RBFOX3: variants seen among roughly 807,000 people sequenced by gnomAD.
The protein encoded by RBFOX3 is RNA binding fox-1 homolog 3.
RBFOX3 carries 17 observed loss-of-function variants against 48.7 expected under a neutral mutation model. The ratio of observed to expected loss-of-function variants is 0.35; its 90% CI spans 0.24 to 0.52. The LOEUF is 0.52. Ranked by LOEUF, RBFOX3 falls within the 20% of genes least tolerant of loss-of-function variation. The probability of loss-of-function intolerance (pLI) is 0.94; values close to 1 mark genes in which losing one functional copy is unlikely to be tolerated. For missense variants in RBFOX3, 382 were observed against 497.5 expected (o/e 0.77, Z 2.21); for synonymous variants, 212 against 209.5 (o/e 1.01, Z -0.10).
chr17:79,384,451 G>C (rs2060316023), intron 2 of RBFOX3, among the ~76,000 whole-genome samples: 1 of 152,144 alleles, frequency 6.6e-6, no homozygotes, highest in African/African-American at 2.4e-5. Flanking sequence ...TGTTCTTGCA[G>C]GGTGACTGCA....
intron 2 of RBFOX3, among the ~76,000 whole-genome samples, chr17:79,346,766 G>A (rs2082993839): frequency 6.6e-6 from 1 of 152,140 alleles, no homozygotes; most frequent in Non-Finnish European, 1.5e-5. Context: ...CATTTTGCCT[G>A]TATAAGTCTT....
At chr17:79,388,870 C>A (rs1392418049) in intron 2 of RBFOX3, among the ~76,000 whole-genome samples, 1 of 152,238 alleles carries the variant, frequency 6.6e-6, no homozygotes, top group Non-Finnish European at 1.5e-5. Flanking sequence ...CTGAGCTGTG[C>A]TCACCGATCA....
At chr17:79,113,990 CTG>C (rs1203396446) in intron 5 of RBFOX3, among the ~76,000 whole-genome samples, 2 of 152,162 alleles carry the variant, frequency 1.3e-5, no homozygotes, top group Admixed American at 1.3e-4. Context: ...GCTGTGTTAT[CTG>C]TGTGTCTGAC....
At chr17:79,633,252 G>A in the RBFOX3 span, among the ~76,000 whole-genome samples, 1 of 152,282 alleles carries the variant, frequency 6.6e-6, no homozygotes, top group African/African-American at 2.4e-5. Context: ...CTCCTGCATG[G>A]GCAAAGTGGC....
At chr17:79,245,819 G>A (rs1446649398) in intron 3 of RBFOX3, among the ~76,000 whole-genome samples, 1 of 151,928 alleles carries the variant, frequency 6.6e-6, no homozygotes, top group Non-Finnish European at 1.5e-5. Flanking sequence ...TAGAGACGGG[G>A]TTTCACCATG....
intron 1 of RBFOX3, among the ~76,000 whole-genome samples, chr17:79,575,110 C>T (rs963424458): frequency 4.5e-4 from 69 of 152,348 alleles, no homozygotes; most frequent in African/African-American, 1.6e-3. Flanking sequence ...GGTATGGGGG[C>T]TGTGAAGCCC....
chr17:79,093,826 C>G (rs908709488), intron 14 of RBFOX3, among the ~76,000 whole-genome samples: 10 of 147,350 alleles, frequency 6.8e-5, no homozygotes, highest in Admixed American at 2.7e-4. Context: ...CACACACACA[C>G]AGAGACACGC....
Position 79,480,562 on chromosome 17 carries a change from C to T in RBFOX3, c.-175+1892G>A, listed in dbSNP as rs1046946920. ...TCTGCATCCAGCCCTGGACCCTCTT[C>T]GTCATCTCCTTCCTCCACCTGCACA... On this transcript the variant is annotated intron_variant, in intron 2 of 14. Transcript: ENST00000693108. The surrounding 1 kb of genome is among the most constrained non-coding windows in gnomAD (Gnocchi z 4.8). Among the ~76,000 whole-genome samples, 1 of 152,186 alleles carries T rather than the reference C, an allele frequency of 6.6e-6. No homozygotes were observed. Among genetic ancestry groups the T allele is most frequent in the Non-Finnish European group, 1.5e-5 (1 of 68,034 alleles).
chr17:79,130,515 C>A (rs560051881), intron 4 of RBFOX3, among the ~76,000 whole-genome samples: 1 of 152,248 alleles, frequency 6.6e-6, no homozygotes, highest in Non-Finnish European at 1.5e-5. Flanking sequence ...GCGTGGATGT[C>A]CCCACCCTCT....
At chr17:79,488,702 A>C (rs1185306219) in intron 1 of RBFOX3, among the ~76,000 whole-genome samples, 1 of 152,222 alleles carries the variant, frequency 6.6e-6, no homozygotes, top group East Asian at 1.9e-4. Flanking sequence ...TCAACAAGGT[A>C]CACTAGCAAC....
chr17:79,091,308 CCAGCCCCAGGA>C (rs1223057547), intron 14 of RBFOX3, among the ~76,000 whole-genome samples: 6 of 152,216 alleles, frequency 3.9e-5, no homozygotes, highest in Non-Finnish European at 8.8e-5. Context: ...AGCTGGCCTT[CCAGCCCCAGGA>C]GCCCAGCCGT....
chr17:79,377,522 C>T (rs932661852), intron 2 of RBFOX3, among the ~76,000 whole-genome samples: 1 of 152,222 alleles, frequency 6.6e-6, no homozygotes, highest in African/African-American at 2.4e-5. Flanking sequence ...CTCCTGACAG[C>T]TCCATCGCAC....
intron 1 of RBFOX3, among the ~76,000 whole-genome samples, chr17:79,512,939 C>T (rs1013810398): frequency 5.4e-5 from 8 of 147,284 alleles, no homozygotes; most frequent in South Asian, 2.1e-4. Context: ...ATGTTACCAT[C>T]GGGTACAGCC....
At chr17:79,322,617 G>C (rs2078699949) in intron 2 of RBFOX3, among the ~76,000 whole-genome samples, 1 of 152,208 alleles carries the variant, frequency 6.6e-6, no homozygotes, top group African/African-American at 2.4e-5. Flanking sequence ...CCCGAAGGGA[G>C]GGGGTACAGA....
chr17:79,425,769 G>C lies in RBFOX3; in HGVS notation c.-175+56685C>G, dbSNP rs563686167. Among the ~76,000 whole-genome samples, 7 of 152,316 alleles carry C rather than the reference G, an allele frequency of 4.6e-5. 1 individual carries two copies. Among genetic ancestry groups the C allele is most frequent in the African/African-American group, 1.7e-4 (7 of 41,582 alleles). On this transcript the variant is annotated intron_variant, in intron 2 of 14. Transcript: ENST00000693108. ...GAAGGGACAGAGCGGGAGATTGGGGGCCCGGGGGTTCCGAAAGACACTGGA... is the reference window on the plus strand; with the variant it reads ...GAAGGGACAGAGCGGGAGATTGGGGCCCCGGGGGTTCCGAAAGACACTGGA...
Position 79,101,741 on chromosome 17 carries a change from C to T in RBFOX3, c.508-97G>A, listed in dbSNP as rs1251707479. The T allele has an allele frequency of 5.6e-6, 6 of 1,078,840 alleles. No individual in the cohort carries two copies. In the East Asian group the frequency reaches 1.6e-4, roughly 28 times the overall value. 66.8% of individuals were successfully genotyped at this position (1,078,840 alleles called of 1,614,324 possible). On this transcript the variant is annotated intron_variant, in intron 8 of 14. Coordinates refer to ENST00000693108, the MANE Select transcript of RBFOX3 (RefSeq NM_001350451.2). ...CCCGCCCTGCTCCGTTAGCCCCCGG[C>T]ACCCCCCGCCCCAGCCTCCTCTCTC... is the stretch of plus-strand genomic sequence containing the variant.
intron 2 of RBFOX3, among the ~76,000 whole-genome samples, chr17:79,318,200 G>C (rs963252495): frequency 6.6e-6 from 1 of 152,146 alleles, no homozygotes; most frequent in Admixed American, 6.5e-5. Flanking sequence ...TTTTGGGCCT[G>C]AAGATCTGGA....
intron 2 of RBFOX3, among the ~76,000 whole-genome samples, chr17:79,347,330 A>C (rs753097190): frequency 1.7e-4 from 26 of 151,826 alleles, no homozygotes; most frequent in Non-Finnish European, 2.2e-4. Flanking sequence ...TTTCCCTCTT[A>C]TCTCTTCTTT....
chr17:79,304,858 C>T (rs528177265), intron 3 of RBFOX3, among the ~76,000 whole-genome samples: 10 of 152,306 alleles, frequency 6.6e-5, no homozygotes, highest in East Asian at 1.9e-4. Flanking sequence ...GGCCGTGACA[C>T]GGGTGCCGTG....
Sources: allele counts gnomAD v4.1 joint callset (sites outside exome capture counted in the v4.1 genomes callset), GRCh38; gene constraint gnomAD v4.1.1; non-coding constraint Gnocchi (gnomAD v3.1); transcripts MANE v1.5; gene names NCBI Gene and HGNC (gene_info 2026-07-23, HGNC 2026-07-21).